CIMAP2: variants seen among roughly 807,000 people sequenced by gnomAD.
CIMAP2 encodes ciliary microtubule associated protein 2, also known as ciliary microtubule-associated protein 2.
the CIMAP2 span, among the ~76,000 whole-genome samples, chr1:54,836,807 G>A: frequency 3.9e-3 from 593 of 152,096 alleles, 11 homozygotes; most frequent in African/African-American, 0.014. Flanking sequence ...AGGGATGGCC[G>A]AGCAGCGGGA....
the CIMAP2 span, among the ~76,000 whole-genome samples, chr1:54,809,137 C>T: frequency 6.6e-6 from 1 of 152,166 alleles, no homozygotes; most frequent in African/African-American, 2.4e-5. Context: ...ATCAGGTGCT[C>T]CAAAACATTC....
At chr1:54,806,932 A>C in the CIMAP2 span, 4 of 1,481,108 alleles carry the variant, frequency 2.7e-6, no homozygotes, top group Middle Eastern at 1.7e-4. Context: ...CATGCTCCAG[A>C]ACTGCCCACG....
chr1:54,807,757 T>C, the CIMAP2 span: 1 of 1,520,728 alleles, frequency 6.6e-7, no homozygotes, highest in Non-Finnish European at 8.8e-7. Flanking sequence ...GCAGCTGCTC[T>C]GTGTGGCCTT....
chr1:54,836,207 G>A, the CIMAP2 span, among the ~76,000 whole-genome samples: 1 of 151,908 alleles, frequency 6.6e-6, no homozygotes, highest in Non-Finnish European at 1.5e-5. Context: ...CGGGAGAGAA[G>A]GCCCTACTTT....
the CIMAP2 span, among the ~76,000 whole-genome samples, chr1:54,813,564 T>C: frequency 1.1e-3 from 166 of 152,206 alleles, 1 homozygote; most frequent in African/African-American, 3.6e-3. Flanking sequence ...AGCTGGGCAG[T>C]AGGGTGTGGC....
the CIMAP2 span, among the ~76,000 whole-genome samples, chr1:54,836,098 C>G: frequency 6.6e-6 from 1 of 151,996 alleles, no homozygotes; most frequent in African/African-American, 2.4e-5. Context: ...TCCCCTCAAA[C>G]CCCTCTGCAT....
the CIMAP2 span, among the ~76,000 whole-genome samples, chr1:54,840,353 G>C: frequency 1.3e-5 from 2 of 152,226 alleles, no homozygotes; most frequent in African/African-American, 4.8e-5. Flanking sequence ...TGCGTTGTAT[G>C]GTTGTGACAC....
chr1:54,813,886 C>G, the CIMAP2 span: 1 of 1,613,806 alleles, frequency 6.2e-7, no homozygotes, highest in East Asian at 2.2e-5. Context: ...CAATAAGAAG[C>G]ATGGGGTTTT....
the CIMAP2 span, among the ~76,000 whole-genome samples, chr1:54,813,198 G>C: frequency 6.6e-6 from 1 of 151,970 alleles, no homozygotes; most frequent in Non-Finnish European, 1.5e-5. Flanking sequence ...GAAAGTACAA[G>C]GAGTTCCCAT....
chr1:54,824,451 T>C, the CIMAP2 span, among the ~76,000 whole-genome samples: 1 of 152,218 alleles, frequency 6.6e-6, no homozygotes. Context: ...AGACTTGGGA[T>C]GTTTTCAGCT....
the CIMAP2 span, chr1:54,813,809 C>G: frequency 6.3e-7 from 1 of 1,586,482 alleles, no homozygotes; most frequent in Non-Finnish European, 8.5e-7. Context: ...CTCTCTTTTT[C>G]TTAGAAAAAA....
chr1:54,816,174 G>A, the CIMAP2 span, among the ~76,000 whole-genome samples: 31,627 of 152,146 alleles, frequency 0.21, 3,527 homozygotes, highest in East Asian at 0.47. Context: ...TCAGCTGACC[G>A]CACCCCACAG....
the CIMAP2 span, chr1:54,806,274 C>T: frequency 2.8e-6 from 4 of 1,438,490 alleles, no homozygotes; most frequent in African/African-American, 4.5e-5. Context: ...CAGCTGCTGC[C>T]CACCCCGAAG....
chr1:54,823,186 T>C, the CIMAP2 span, among the ~76,000 whole-genome samples: 2 of 152,226 alleles, frequency 1.3e-5, no homozygotes, highest in Non-Finnish European at 2.9e-5. Flanking sequence ...CAACTATTAT[T>C]GTATTGAAGT....
At chr1:54,841,979 A>G in the CIMAP2 span, 1 of 1,178,432 alleles carries the variant, frequency 8.5e-7, no homozygotes, top group Non-Finnish European at 1.2e-6. Flanking sequence ...TAGAGAAAGG[A>G]CACATGGGCT....
the CIMAP2 span, among the ~76,000 whole-genome samples, chr1:54,816,126 A>T: frequency 1.3e-5 from 2 of 152,238 alleles, no homozygotes; most frequent in Non-Finnish European, 2.9e-5. Flanking sequence ...GCCACTGTGA[A>T]GTGGGAAGGG....
the CIMAP2 span, chr1:54,814,989 A>C: frequency 5.6e-6 from 9 of 1,613,316 alleles, no homozygotes; most frequent in Admixed American, 1.5e-4. Flanking sequence ...ATTCCTGTTG[A>C]CCTCCAAGGG....
the CIMAP2 span, among the ~76,000 whole-genome samples, chr1:54,814,217 C>G: frequency 6.6e-6 from 1 of 152,174 alleles, no homozygotes; most frequent in Non-Finnish European, 1.5e-5. Flanking sequence ...GCCCTGTACT[C>G]GGAGCCTACA....
chr1:54,825,995 C>G, the CIMAP2 span, among the ~76,000 whole-genome samples: 1 of 152,160 alleles, frequency 6.6e-6, no homozygotes, highest in African/African-American at 2.4e-5. Flanking sequence ...GGTCCCTGGA[C>G]AACATGCACA....
Sources: gnomAD v4.1 joint callset for allele counts (sites outside exome capture counted in the v4.1 genomes callset) on GRCh38, gnomAD v4.1.1 for gene constraint, MANE v1.5 for transcripts, NCBI Gene and HGNC (gene_info 2026-07-23, HGNC 2026-07-21) for gene names.